RBFOX1: variants seen among roughly 807,000 people sequenced by gnomAD.
The protein encoded by RBFOX1 is RNA binding fox-1 homolog 1.
In RBFOX1, 8 loss-of-function variants were observed where a neutral mutation model predicts 57.7. The observed-to-expected ratio is 0.14, with a 90% CI of 0.08 to 0.25. The LOEUF (loss-of-function observed/expected upper bound fraction) is 0.25, where lower values mean the gene tolerates loss of function less well. Ranked by LOEUF, RBFOX1 falls within the 10% of genes least tolerant of loss-of-function variation. RBFOX1 has a pLI of 1.00. For missense variants in RBFOX1, 611 were observed against 548.5 expected (o/e 1.11, Z -1.14); for synonymous variants, 326 against 222.4 (o/e 1.47, Z -4.15).
At chr16:6,671,793 T>C (rs1293131901) in intron 3 of RBFOX1, among the ~76,000 whole-genome samples, 1 of 152,210 alleles carries the variant, frequency 6.6e-6, no homozygotes, top group Non-Finnish European at 1.5e-5. Flanking sequence ...ATGCCATTAA[T>C]TCATTCCTTT....
intron 4 of RBFOX1, among the ~76,000 whole-genome samples, chr16:7,407,885 C>T (rs1259456203): frequency 2.0e-5 from 3 of 152,116 alleles, no homozygotes; most frequent in South Asian, 2.1e-4. Flanking sequence ...CTAGACAGAA[C>T]ATTATGGGAA....
chr16:5,618,976 C>A (rs375227631), intron 3 of RBFOX1, among the ~76,000 whole-genome samples: 1 of 152,160 alleles, frequency 6.6e-6, no homozygotes, highest in Non-Finnish European at 1.5e-5. Context: ...TCCCAGCCGG[C>A]ATCCTTTGCT....
chr16:7,495,081 G>T (rs1460819872), intron 4 of RBFOX1, among the ~76,000 whole-genome samples: 1 of 152,056 alleles, frequency 6.6e-6, no homozygotes, highest in Non-Finnish European at 1.5e-5. Context: ...CTCGTTTTCT[G>T]TTCCTGCATT....
intron 10 of RBFOX1, among the ~76,000 whole-genome samples, chr16:7,612,623 A>G (rs905466581): frequency 2.0e-5 from 3 of 151,842 alleles, no homozygotes; most frequent in Admixed American, 2.0e-4. Flanking sequence ...ATATATATAT[A>G]TATTTTTAAA....
intron 1 of RBFOX1, among the ~76,000 whole-genome samples, chr16:5,375,439 G>A (rs1017968437): frequency 1.3e-5 from 2 of 152,156 alleles, no homozygotes; most frequent in African/African-American, 4.8e-5. Context: ...AGGGCTCTAA[G>A]GATCCTAGCC....
At chr16:5,540,386 T>C (rs2151058191) in intron 2 of RBFOX1, among the ~76,000 whole-genome samples, 1 of 152,332 alleles carries the variant, frequency 6.6e-6, no homozygotes, top group Admixed American at 6.5e-5. Context: ...TAGCCAGTGT[T>C]TCACACTTAC....
chr16:5,891,233 C>T (rs2058038659), intron 4 of RBFOX1, among the ~76,000 whole-genome samples: 2 of 152,176 alleles, frequency 1.3e-5, no homozygotes, highest in East Asian at 1.9e-4. Flanking sequence ...CAGAGGTGTC[C>T]CTGATGTGAG....
At chr16:6,858,299 G>C (rs980521632) in intron 3 of RBFOX1, among the ~76,000 whole-genome samples, 2 of 152,178 alleles carry the variant, frequency 1.3e-5, no homozygotes, top group African/African-American at 4.8e-5. Context: ...TCTCTGTGTT[G>C]AGAGACTAGA....
chr16:7,206,416 AAT>A (rs896561410), intron 4 of RBFOX1, among the ~76,000 whole-genome samples: 3 of 150,318 alleles, frequency 2.0e-5, no homozygotes, highest in African/African-American at 4.9e-5. Context: ...TACTTACTGA[AAT>A]ATATATATAC....
chr16:6,838,604 G>A (rs1364976555), intron 3 of RBFOX1, among the ~76,000 whole-genome samples: 7 of 152,134 alleles, frequency 4.6e-5, no homozygotes, highest in Admixed American at 4.6e-4. Flanking sequence ...CTGCTGCTGT[G>A]CACTGCCACT....
intron 1 of RBFOX1, among the ~76,000 whole-genome samples, chr16:5,361,133 G>T (rs757706607): frequency 6.6e-6 from 1 of 152,166 alleles, no homozygotes; most frequent in Middle Eastern, 3.2e-3. Flanking sequence ...TGTCTTTTCA[G>T]TTTACAGATG....
At chr16:6,958,847 C>T (rs1466187472) in intron 3 of RBFOX1, among the ~76,000 whole-genome samples, 2 of 152,020 alleles carry the variant, frequency 1.3e-5, no homozygotes, top group Non-Finnish European at 2.9e-5. Flanking sequence ...TGCTGATTTT[C>T]AAGGAGGTAT....
chr16:7,697,786 C>G (rs150627174), intron 14 of RBFOX1, among the ~76,000 whole-genome samples: 3 of 152,288 alleles, frequency 2.0e-5, no homozygotes, highest in East Asian at 1.9e-4. Flanking sequence ...TCTACCTTCC[C>G]CAGTATGCTA....
chr16:5,356,940 A>G (rs1451190781), intron 1 of RBFOX1, among the ~76,000 whole-genome samples: 2 of 152,206 alleles, frequency 1.3e-5, no homozygotes, highest in Non-Finnish European at 2.9e-5. Flanking sequence ...GCTTACATAC[A>G]TCGTTTCGTT....
In RBFOX1 at chr16:7,423,308, C is replaced by T. The variant is rs2098562410; in HGVS notation, c.28-94839C>T. Among the ~76,000 whole-genome samples the T allele has an allele frequency of 2.0e-5, 3 of 151,902 alleles. No individual in the cohort carries two copies. The South Asian group carries it at 6.2e-4, about 32-fold the overall frequency. On this transcript the variant is annotated intron_variant, in intron 4 of 15. Coordinates refer to ENST00000550418, the MANE Select transcript of RBFOX1 (RefSeq NM_018723.4). ...ATAGTTAACTGATTAGGTATTTTCTCACCAGTTCTAAACACAAAGAGTGCA... is the reference window on the plus strand; with the variant it reads ...ATAGTTAACTGATTAGGTATTTTCTTACCAGTTCTAAACACAAAGAGTGCA...
At chr16:7,303,843 TCTCCCTCC>T (rs1300967781) in intron 4 of RBFOX1, among the ~76,000 whole-genome samples, 2 of 132,170 alleles carry the variant, frequency 1.5e-5, no homozygotes, top group African/African-American at 5.5e-5. Flanking sequence ...CCCTTCCTCC[TCTCCCTCC>T]CTCCCTCCCT....
At chr16:6,908,208 A>G (rs1207132499) in intron 3 of RBFOX1, among the ~76,000 whole-genome samples, 1 of 151,674 alleles carries the variant, frequency 6.6e-6, no homozygotes, top group Non-Finnish European at 1.5e-5. Flanking sequence ...ACCTCTGCTC[A>G]GCATTGTGTT....
chr16:5,287,698 A>C (rs1441878125), intron 1 of RBFOX1, among the ~76,000 whole-genome samples: 1 of 152,146 alleles, frequency 6.6e-6, no homozygotes, highest in African/African-American at 2.4e-5. Flanking sequence ...GCTTGCTCTC[A>C]TGGTGATAGC....
chr16:6,943,190 C>G (rs1264241962), intron 3 of RBFOX1, among the ~76,000 whole-genome samples: 1 of 152,150 alleles, frequency 6.6e-6, no homozygotes, highest in Non-Finnish European at 1.5e-5. Context: ...CTGAGCTTGG[C>G]CAAATGGGAA....
Sources: allele counts gnomAD v4.1 joint callset (sites outside exome capture counted in the v4.1 genomes callset), GRCh38; gene constraint gnomAD v4.1.1; transcripts MANE v1.5; gene names NCBI Gene and HGNC (gene_info 2026-07-23, HGNC 2026-07-21).